The following PHF21A variants were observed in gnomAD, a reference collection of about 807,000 sequenced individuals.
PHF21A encodes the protein BHC80a.
Under a neutral mutation model 82.5 loss-of-function variants are expected in PHF21A, and 11 were observed. The observed-to-expected ratio is 0.13, with a 90% CI of 0.08 to 0.22. The LOEUF is 0.22. Ranked by LOEUF, PHF21A falls within the 10% of genes least tolerant of loss-of-function variation. PHF21A has a pLI of 1.00. For missense variants in PHF21A, 579 were observed against 837.8 expected, an observed-to-expected ratio of 0.69 and a Z score of 3.81; for synonymous variants, 297 against 302.8, an observed-to-expected ratio of 0.98 and a Z score of 0.20.
intron 6 of PHF21A, among the ~76,000 whole-genome samples, chr11:46,069,659 C>A (rs1282332231): frequency 6.6e-6 from 1 of 152,124 alleles, no homozygotes; most frequent in Non-Finnish European, 1.5e-5. Flanking sequence ...TCTACAGTTA[C>A]TAAATAAAAC....
chr11:46,041,288 G>A (rs559853460), intron 6 of PHF21A, among the ~76,000 whole-genome samples: 2 of 152,092 alleles, frequency 1.3e-5, no homozygotes, highest in African/African-American at 4.8e-5. Context: ...AAGTAAGGAG[G>A]GTGGAAAAGA....
intron 11 of PHF21A, among the ~76,000 whole-genome samples, chr11:45,952,489 T>C (rs943518663): frequency 3.3e-5 from 5 of 152,350 alleles, no homozygotes; most frequent in Middle Eastern, 6.8e-3. Flanking sequence ...TAGGGAAATT[T>C]TGCTCAATTT....
chr11:46,083,939 A>C (rs980841262), intron 4 of PHF21A, among the ~76,000 whole-genome samples: 1 of 152,228 alleles, frequency 6.6e-6, no homozygotes, highest in Admixed American at 6.5e-5. Flanking sequence ...TATATGAAAA[A>C]AATCTTTTCA....
At chr11:45,996,305 C>T (rs567812324) in intron 6 of PHF21A, among the ~76,000 whole-genome samples, 1 of 152,292 alleles carries the variant, frequency 6.6e-6, no homozygotes, top group East Asian at 1.9e-4. Context: ...GTAAAGCTTA[C>T]AGGTTGACAC....
At chr11:46,111,958 G>A (rs896719800) in intron 1 of PHF21A, among the ~76,000 whole-genome samples, 3 of 152,122 alleles carry the variant, frequency 2.0e-5, no homozygotes, top group African/African-American at 7.2e-5. Context: ...AACAAAAGGG[G>A]CATTTTGCAG....
Position 45,931,374 on chromosome 11 carries a change from G to A in PHF21A, c.*2594C>T, listed in dbSNP as rs1270979574. On this transcript the variant is annotated 3_prime_UTR_variant, in exon 19 of 19. Coordinates refer to ENST00000676320, the MANE Select transcript of PHF21A (RefSeq NM_001352027.3). Reference sequence around the variant, plus strand: ...TGCTGGTCTCTGATCCTCTGCCAACGATTCCTCCAACTAGTCCAGGCATCT... The same window carrying A: ...TGCTGGTCTCTGATCCTCTGCCAACAATTCCTCCAACTAGTCCAGGCATCT... The A allele has an allele frequency of 6.6e-6, 1 of 152,206 alleles. No homozygotes were observed. The highest frequency in any genetic ancestry group is 2.4e-5 in the African/African-American group (1 of 41,438). The allele number at this position is 152,206 out of a possible 1,614,324, so 9.4% of individuals were successfully genotyped here. A position where few individuals can be genotyped will look rare whatever the true frequency, so the allele number is the denominator to read the frequency against.
chr11:46,021,450 CA>C (rs1165773200), intron 6 of PHF21A, among the ~76,000 whole-genome samples: 1 of 152,126 alleles, frequency 6.6e-6, no homozygotes, highest in South Asian at 2.1e-4. Flanking sequence ...AATCTAGAAA[CA>C]GTATTCATCC....
chr11:46,059,778 G>A (rs2096509691), intron 6 of PHF21A, among the ~76,000 whole-genome samples: 1 of 152,176 alleles, frequency 6.6e-6, no homozygotes, highest in Non-Finnish European at 1.5e-5. Context: ...CCAGGCTGGA[G>A]TGCAGTGGCT....
At chr11:45,934,731 T>C (rs2088427499) in intron 18 of PHF21A, 2 of 324,260 alleles carry the variant, frequency 6.2e-6, no homozygotes, top group South Asian at 2.6e-5. Flanking sequence ...CCAGCAGCAT[T>C]TAGGAGGATC....
chr11:46,110,671 G>A (rs2097201604), intron 1 of PHF21A, among the ~76,000 whole-genome samples: 1 of 152,072 alleles, frequency 6.6e-6, no homozygotes, highest in Non-Finnish European at 1.5e-5. Flanking sequence ...GTCTTGAAAA[G>A]ACAAATTGAT....
At chr11:46,051,745 T>C (rs982061102) in intron 6 of PHF21A, among the ~76,000 whole-genome samples, 4 of 152,096 alleles carry the variant, frequency 2.6e-5, no homozygotes, top group African/African-American at 9.7e-5. Context: ...AAGGAAGATA[T>C]TAGAGGAAGA....
intron 6 of PHF21A, among the ~76,000 whole-genome samples, chr11:46,037,095 T>C (rs2096020987): frequency 6.6e-6 from 1 of 152,224 alleles, no homozygotes; most frequent in South Asian, 2.1e-4. Flanking sequence ...TCAGTATAGC[T>C]AACAGTTTAT....
At chr11:45,939,797 A>G (rs2089990105) in intron 15 of PHF21A, among the ~76,000 whole-genome samples, 1 of 138,160 alleles carries the variant, frequency 7.2e-6, no homozygotes, top group Non-Finnish European at 1.6e-5. Flanking sequence ...AAAAAAAAAG[A>G]GCTATTAAAG....
At chr11:46,067,662 G>T (rs1229373200) in intron 6 of PHF21A, among the ~76,000 whole-genome samples, 1 of 151,528 alleles carries the variant, frequency 6.6e-6, no homozygotes, top group Non-Finnish European at 1.5e-5. Flanking sequence ...TGAACCCTTG[G>T]TAGGGACATC....
intron 6 of PHF21A, among the ~76,000 whole-genome samples, chr11:45,983,822 G>A (rs910837310): frequency 3.3e-5 from 5 of 152,102 alleles, no homozygotes; most frequent in African/African-American, 1.2e-4. Context: ...AAGAGAATAC[G>A]GCGAAAATAT....
At chr11:45,964,234 A>AATAATAATAATT in intron 10 of PHF21A, among the ~76,000 whole-genome samples, 2 of 148,136 alleles carry the variant, frequency 1.4e-5, no homozygotes, top group African/African-American at 2.5e-5. Flanking sequence ...TAATAATAAT[A>AATAATAATAATT]ATTTATTTCT....
chr11:46,074,222 T>TG (rs1194124143), intron 6 of PHF21A, among the ~76,000 whole-genome samples: 2 of 151,490 alleles, frequency 1.3e-5, no homozygotes, highest in East Asian at 3.9e-4. Flanking sequence ...TAATAAATAT[T>TG]GAAAAAAATG....
chr11:46,083,356 T>C (rs1036446637), intron 4 of PHF21A, among the ~76,000 whole-genome samples: 1 of 152,218 alleles, frequency 6.6e-6, no homozygotes, highest in Non-Finnish European at 1.5e-5. Context: ...ATCTAGTAGT[T>C]ACCAAAGGCC....
At chr11:46,086,648 T>G (rs2096860544) in intron 3 of PHF21A, among the ~76,000 whole-genome samples, 1 of 152,224 alleles carries the variant, frequency 6.6e-6, no homozygotes, top group South Asian at 2.1e-4. Flanking sequence ...GTTTTAATTT[T>G]TACAAGGCTC....
Sources: gnomAD v4.1 joint callset for allele counts (sites outside exome capture counted in the v4.1 genomes callset) on GRCh38, gnomAD v4.1.1 for gene constraint, MANE v1.5 for transcripts, NCBI Gene and HGNC (gene_info 2026-07-23, HGNC 2026-07-21) for gene names.